NFE2L2: variants seen among roughly 807,000 people sequenced by gnomAD.
The protein encoded by NFE2L2 is NFE2 like bZIP transcription factor 2, also known as nuclear factor erythroid 2-related factor 2.
NFE2L2 carries 20 observed loss-of-function variants against 49.6 expected under a neutral mutation model. The observed-to-expected ratio is 0.40, with a 90% CI of 0.28 to 0.59. NFE2L2 has a LOEUF of 0.59. Among genes scored for constraint, NFE2L2 ranks in the 20% least tolerant of loss-of-function variants. The pLI is 0.40. For synonymous variants in NFE2L2, 244 were observed against 256.5 expected (o/e 0.95, Z 0.47); for missense variants, 578 against 714.2 (o/e 0.81, Z 2.17).
chr2:177,246,974 ATTAT>A (rs1398694179), intron 1 of NFE2L2, among the ~76,000 whole-genome samples: 2 of 152,112 alleles, frequency 1.3e-5, no homozygotes, highest in African/African-American at 2.4e-5. Context: ...TAATAACATA[ATTAT>A]TTAATCAGTC....
At chr2:177,242,054 A>C (rs1689954185) in intron 1 of NFE2L2, among the ~76,000 whole-genome samples, 1 of 152,242 alleles carries the variant, frequency 6.6e-6, no homozygotes, top group African/African-American at 2.4e-5. Flanking sequence ...GAATATAGCA[A>C]TACCAATTGT....
At position 177,264,551 on chromosome 2, in the gene NFE2L2, G is replaced by A; in HGVS notation, c.26C>T (p.Pro9Leu). 6.6e-7 allele frequency: 1 copy of A among 1,519,692 alleles called. No individual in the cohort carries two copies. Among genetic ancestry groups the A allele is most frequent in the Non-Finnish European group, 8.8e-7 (1 of 1,132,726 alleles). 94.1% of individuals were successfully genotyped at this position (1,519,692 alleles called of 1,614,324 possible). ...CAGCACCTGCTGGGACGGGAGTCCC[G>A]GCGGCGGCAGCTCCAAGTCCATCAT... MMDLELPP[P>L]GLPSQQDMDL... The change falls in exon 1 of 5, where the codon CCG (proline) becomes CTG (leucine). Residue 9 changes from proline to leucine, a missense_variant. Around this residue, in one of 3 missense-constraint regions of NFE2L2, gnomAD observed 93 missense variants for 153.9 expected, o/e 0.60. Coordinates refer to ENST00000397062, the MANE Select transcript of NFE2L2 (RefSeq NM_006164.5).
At chr2:177,240,987 C>T (rs1454881233) in intron 1 of NFE2L2, among the ~76,000 whole-genome samples, 1 of 152,158 alleles carries the variant, frequency 6.6e-6, no homozygotes, top group Non-Finnish European at 1.5e-5. Context: ...CCCATTCCCC[C>T]GAGTCTCCCT....
At chr2:177,239,820 T>A (rs1689882642) in intron 1 of NFE2L2, among the ~76,000 whole-genome samples, 1 of 152,200 alleles carries the variant, frequency 6.6e-6, no homozygotes, top group South Asian at 2.1e-4. Context: ...AAATTTAGAA[T>A]GCAGCAACAA....
chr2:177,254,171 T>C (rs898738597), intron 1 of NFE2L2, among the ~76,000 whole-genome samples: 1 of 152,194 alleles, frequency 6.6e-6, no homozygotes, highest in African/African-American at 2.4e-5. Flanking sequence ...CTTGCAGCTG[T>C]AGGTCCGAGA....
Position 177,231,205 on chromosome 2 carries a change from G to C in NFE2L2, c.1398C>G (p.Ile466Met). ...TAATGATTTTTTCTACAGGGAATGGGATATGGAGAGCTTTTGCCCTAAGTT... is the reference window on the plus strand; with the variant it reads ...TAATGATTTTTTCTACAGGGAATGGCATATGGAGAGCTTTTGCCCTAAGTT... ...RDELRAKALH[I>M]PFPVEKIINL... The change falls in exon 5 of 5, where the codon ATC becomes ATG. Residue 466 changes from isoleucine (I) to methionine (M), a missense_variant. Ile to Met is a conservative substitution (Grantham distance 10). This residue lies in a region of NFE2L2 where 117 missense variants were observed against 175.8 expected (regional missense o/e 0.67). Transcript: ENST00000397062. The C allele has an allele frequency of 6.2e-7, 1 of 1,614,200 alleles. No individual in the cohort carries two copies. Among genetic ancestry groups the C allele is most frequent in the Non-Finnish European group, 8.5e-7 (1 of 1,180,042 alleles).
chr2:177,249,912 C>T (rs1299880568), intron 1 of NFE2L2, among the ~76,000 whole-genome samples: 1 of 152,178 alleles, frequency 6.6e-6, no homozygotes, highest in East Asian at 1.9e-4. Flanking sequence ...GCATGAGGGA[C>T]AGTGCAGTAT....
intron 1 of NFE2L2, among the ~76,000 whole-genome samples, chr2:177,257,330 G>A (rs1434090492): frequency 3.9e-5 from 6 of 152,120 alleles, no homozygotes; most frequent in Non-Finnish European, 8.8e-5. Context: ...AGTTATCACA[G>A]GCCACATTCC....
chr2:177,230,935 T>C lies in NFE2L2; in HGVS notation c.1668A>G (p.Gln556=), dbSNP rs755639976. ...NDKSLHLLKK[Q]LSTLYLEVFS... is the part of the protein sequence containing the mutation. ...AAACTTCGAGATATAAGGTGCTGAG[T>C]TGTTTTTTCAGTAGGTGAAGGCTTT... Residue 556 remains glutamine (Q), a synonymous_variant, in exon 5 of 5, where the codon CAA becomes CAG. Coordinates refer to ENST00000397062, the MANE Select transcript of NFE2L2 (RefSeq NM_006164.5). 3.7e-6 allele frequency: 6 copies of C among 1,613,076 alleles called. No homozygotes were observed. The highest frequency in any genetic ancestry group is 4.5e-5 in the East Asian group (2 of 44,880).
Position 177,251,210 on chromosome 2 carries a change from A to T in NFE2L2, c.45+13322T>A, listed in dbSNP as rs532718968. Reference sequence around the variant, plus strand: ...TCCCTTCACAGCTCTGGCCAAATTTAGTTGGGGTAGTTATTACAAAAGAAG... The same window carrying T: ...TCCCTTCACAGCTCTGGCCAAATTTTGTTGGGGTAGTTATTACAAAAGAAG... On this transcript the variant is annotated intron_variant, in intron 1 of 4. Coordinates refer to ENST00000397062, the MANE Select transcript of NFE2L2 (RefSeq NM_006164.5). Among the ~76,000 whole-genome samples the T allele has an allele frequency of 2.0e-5, 3 of 152,286 alleles. No homozygotes were observed. The South Asian group carries it at 6.2e-4, about 32-fold the overall frequency.
chr2:177,234,132 AGTT>A lies in NFE2L2; in HGVS notation c.182_184del (p.Gln61del). The A allele has an allele frequency of 6.2e-7, 1 of 1,614,032 alleles. No homozygotes were observed. The highest frequency in any genetic ancestry group is 1.3e-5 in the African/African-American group (1 of 74,990). ...AAAGGCTTTCTCTTGCTCCTTTTGG[AGTT>A]GTTCTTGTCTTTCCTTTTCAAGTTT... On this transcript the variant is annotated inframe_deletion, in exon 2 of 5. Coordinates refer to ENST00000397062, the MANE Select transcript of NFE2L2 (RefSeq NM_006164.5).
At chr2:177,255,878 T>C (rs1441342018) in intron 1 of NFE2L2, 1 of 152,414 alleles carries the variant, frequency 6.6e-6, no homozygotes, top group Non-Finnish European at 1.5e-5. Context: ...GTTTTTTCTA[T>C]GTGTATTTTA....
At chr2:177,260,570 T>C (rs1202308563) in intron 1 of NFE2L2, among the ~76,000 whole-genome samples, 1 of 152,206 alleles carries the variant, frequency 6.6e-6, no homozygotes, top group African/African-American at 2.4e-5. Flanking sequence ...AGGGTTGAAT[T>C]TGCGCCATCA....
chr2:177,232,273 T>A, intron 4 of NFE2L2, 119 bp downstream of exon 4: 1 of 1,066,892 alleles, frequency 9.4e-7, no homozygotes, highest in Non-Finnish European at 1.3e-6. Context: ...GCAGTACTCA[T>A]GACTAAGTTA....
chr2:177,263,898 G>A (rs1690838786), intron 1 of NFE2L2: 3 of 985,416 alleles, frequency 3.0e-6, no homozygotes, highest in Non-Finnish European at 3.6e-6. Context: ...TTTCAAGAGA[G>A]CTCAAGGCTG....
chr2:177,234,136 GTTC>G lies in NFE2L2; in HGVS notation c.178_180del (p.Glu60del). 1.2e-6 allele frequency: 2 copies of G among 1,614,150 alleles called. No individual in the cohort carries two copies. Among genetic ancestry groups the G allele is most frequent in the Non-Finnish European group, 1.7e-6 (2 of 1,180,028 alleles). ...GCTTTCTCTTGCTCCTTTTGGAGTT[GTTC>G]TTGTCTTTCCTTTTCAAGTTTTTTC... On this transcript the variant is annotated inframe_deletion, in exon 2 of 5. Coordinates refer to ENST00000397062, the MANE Select transcript of NFE2L2 (RefSeq NM_006164.5).
At chr2:177,244,128 G>A (rs1194604631) in intron 1 of NFE2L2, among the ~76,000 whole-genome samples, 3 of 151,406 alleles carry the variant, frequency 2.0e-5, no homozygotes, top group Admixed American at 6.6e-5. Context: ...GTGAAACCCC[G>A]TCTCTACTAA....
chr2:177,259,260 C>T (rs919424341), intron 1 of NFE2L2, among the ~76,000 whole-genome samples: 1 of 151,918 alleles, frequency 6.6e-6, no homozygotes, highest in Non-Finnish European at 1.5e-5. Context: ...CCAGACTGTA[C>T]CAATGCACTC....
chr2:177,239,689 ATGT>A (rs1689877352), intron 1 of NFE2L2, among the ~76,000 whole-genome samples: 1 of 152,138 alleles, frequency 6.6e-6, no homozygotes, highest in African/African-American at 2.4e-5. Flanking sequence ...AAAAAAGTTT[ATGT>A]AATGTTTTTT....
Sources: gnomAD v4.1 joint callset for allele counts (sites outside exome capture counted in the v4.1 genomes callset) on GRCh38, gnomAD v4.1.1 for gene constraint, gnomAD v4.1.1 regional missense constraint, MANE v1.5 for transcripts, NCBI Gene and HGNC (gene_info 2026-07-23, HGNC 2026-07-21) for gene names.